NOL10: variants seen among roughly 807,000 people sequenced by gnomAD.
NOL10 encodes the protein H_NH0074G24.1.
Under a neutral mutation model 103.5 loss-of-function variants are expected in NOL10, and 58 were observed. The ratio of observed to expected loss-of-function variants is 0.56; its 90% confidence interval spans 0.45 to 0.70. The LOEUF (loss-of-function observed/expected upper bound fraction) is 0.70. Among genes scored for constraint, NOL10 ranks in the 30% least tolerant of loss-of-function variants. The pLI, the probability that NOL10 is intolerant of heterozygous loss-of-function variation, is 0.00. For synonymous variants in NOL10, 287 were observed against 282.5 expected (o/e 1.02, Z -0.16); for missense variants, 763 against 807.3 (o/e 0.95, Z 0.67).
chr2:10,641,820 C>T (rs1453783577), intron 13 of NOL10, among the ~76,000 whole-genome samples: 1 of 152,184 alleles, frequency 6.6e-6, no homozygotes, highest in Admixed American at 6.5e-5. Context: ...CTGCAACCAT[C>T]TTCAGGACTG....
chr2:10,613,996 GTCACCC>G, intron 13 of NOL10, among the ~76,000 whole-genome samples: 1 of 150,130 alleles, frequency 6.7e-6, no homozygotes, highest in South Asian at 2.1e-4. Context: ...GTCTCACTCT[GTCACCC>G]AGGCTGAAGT....
Position 10,607,265 on chromosome 2 carries a change from G to A in NOL10, c.1073C>T (p.Thr358Ile). ...TTCTGGATTCTCTTCTAATTCTTCG[G>A]TCAAGTTGTCTAAGAAGGAACACCA... ...PRWCSFLDNL[T>I]EELEENPEST... The change falls in exon 14 of 21, where the codon ACC becomes ATC. Residue 358 changes from threonine to isoleucine, a missense_variant. Transcript: ENST00000381685. The A allele has an allele frequency of 6.2e-7, 1 of 1,607,532 alleles. No homozygotes were observed. Among genetic ancestry groups the A allele is most frequent in the Non-Finnish European group, 8.5e-7 (1 of 1,176,882 alleles).
intron 19 of NOL10, among the ~76,000 whole-genome samples, chr2:10,586,923 T>C (rs575948280): frequency 6.7e-6 from 1 of 150,330 alleles, no homozygotes; most frequent in Non-Finnish European, 1.5e-5. Context: ...TTTTTGGGGA[T>C]ATTCTAGGTT....
intron 3 of NOL10, 63 bp downstream of exon 3, chr2:10,681,908 C>T: frequency 7.9e-6 from 5 of 632,356 alleles, no homozygotes; most frequent in Non-Finnish European, 9.8e-6. Flanking sequence ...AAAAAAAGAC[C>T]TTTCCCATCG....
chr2:10,581,116 T>TA (rs1484890560), intron 19 of NOL10, among the ~76,000 whole-genome samples: 1 of 152,220 alleles, frequency 6.6e-6, no homozygotes, highest in Non-Finnish European at 1.5e-5. Flanking sequence ...TTCAAGAGAC[T>TA]TAAACTCAGG....
intron 4 of NOL10, 25 bp from the exon 5 acceptor site, chr2:10,673,582 T>C (rs769367541): frequency 2.7e-6 from 4 of 1,497,828 alleles, no homozygotes; most frequent in South Asian, 1.2e-5. Flanking sequence ...ATAGGAAAAA[T>C]ACAATTATCA....
chr2:10,601,539 C>T (rs1323466072), intron 16 of NOL10, among the ~76,000 whole-genome samples: 2 of 152,124 alleles, frequency 1.3e-5, no homozygotes, highest in African/African-American at 2.4e-5. Context: ...TGAGAGGCAG[C>T]GCAATGGCTC....
intron 12 of NOL10, among the ~76,000 whole-genome samples, chr2:10,646,074 T>C (rs754120506): frequency 4.8e-4 from 73 of 152,192 alleles, no homozygotes; most frequent in Non-Finnish European, 9.3e-4. Context: ...TTGTAACTCT[T>C]GTAGAATCTT....
chr2:10,660,366 G>A (rs1680117478), intron 9 of NOL10, among the ~76,000 whole-genome samples: 1 of 152,172 alleles, frequency 6.6e-6, no homozygotes, highest in African/African-American at 2.4e-5. Flanking sequence ...CGCCCAGGCT[G>A]GAGTGCAGTG....
chr2:10,585,018 T>A (rs1674951251), intron 19 of NOL10, among the ~76,000 whole-genome samples: 1 of 152,166 alleles, frequency 6.6e-6, no homozygotes, highest in Admixed American at 6.5e-5. Flanking sequence ...TCAAAACAAC[T>A]GCTCCCAGAT....
intron 2 of NOL10, among the ~76,000 whole-genome samples, chr2:10,682,821 G>C (rs940824092): frequency 1.3e-5 from 2 of 151,822 alleles, no homozygotes; most frequent in Admixed American, 6.6e-5. Context: ...AGTCTCACCT[G>C]TTGTCCAAGC....
intron 12 of NOL10, among the ~76,000 whole-genome samples, chr2:10,651,004 A>C (rs1434987510): frequency 6.6e-6 from 1 of 152,088 alleles, no homozygotes; most frequent in African/African-American, 2.4e-5. Flanking sequence ...TCTCAGAAAG[A>C]GGCTTCTTTG....
chr2:10,601,092 C>CT, intron 16 of NOL10, 150 bp from the exon 17 acceptor site: 1 of 508,772 alleles, frequency 2.0e-6, no homozygotes, highest in Non-Finnish European at 3.3e-6. Flanking sequence ...GAGATGGAGT[C>CT]TCGCTCTGTC....
In NOL10 at chr2:10,600,902, A is replaced by G; in HGVS notation, c.1373T>C (p.Ile458Thr). The G allele has an allele frequency of 6.4e-7, 1 of 1,557,642 alleles. No homozygotes were observed. The highest frequency in any genetic ancestry group is 8.7e-7 in the Non-Finnish European group (1 of 1,149,482). ...KVNKELALKL[I>T]EEEEEKQKST... is the part of the protein sequence containing the mutation. ...TTTCTGCTTCTCCTCTTCTTCCTCA[A>G]TTAATTTAAGTGCCAGCTCTTTGTT... The change falls in exon 17 of 21, where the codon ATT (isoleucine) becomes ACT (threonine). Residue 458 changes from isoleucine to threonine, a missense_variant. Ile to Thr is a moderately conservative substitution (Grantham distance 89). Transcript: ENST00000381685.
intron 4 of NOL10, 32 bp downstream of exon 4, chr2:10,675,762 T>C: frequency 7.7e-7 from 1 of 1,291,696 alleles, no homozygotes; most frequent in South Asian, 1.4e-5. Flanking sequence ...AAAAAGCCAT[T>C]TTCATGAATT....
chr2:10,639,517 C>T, intron 13 of NOL10, among the ~76,000 whole-genome samples: 1 of 152,164 alleles, frequency 6.6e-6, no homozygotes, highest in South Asian at 2.1e-4. Flanking sequence ...ACTCACACCC[C>T]AACCACCACC....
rs1306232628 is a variant in NOL10, at chr2:10,689,830, A to G, written c.32T>C (p.Ile11Thr). 6.2e-7 allele frequency: 1 copy of G among 1,608,108 alleles called. No homozygotes were observed. Among genetic ancestry groups the G allele is most frequent in the South Asian group, 1.1e-5 (1 of 89,578 alleles). The change falls in exon 1 of 21, where the codon ATT (isoleucine) becomes ACT (threonine). Residue 11 changes from isoleucine (I) to threonine (T), a missense_variant. Transcript: ENST00000381685. MQVSSLNEVK[I>T]YSLSCGKSLP... ...GGACTTGCCGCAGCTGAGGCTGTAA[A>G]TCTTCACCTCATTGAGGCTGGAGAC...
rs533085754 is a variant in NOL10, at chr2:10,638,340, A to G, written c.1026+5980T>C. The stretch of plus-strand genomic sequence containing the variant: ...GACGTGACGTGACGTGACGTAACGT[A>G]ACGTAACGTAACGTAACGTAACAGT... On this transcript the variant is annotated intron_variant, in intron 13 of 20. Transcript: ENST00000381685. Among the ~76,000 whole-genome samples the G allele has an allele frequency of 5.1e-3, 672 of 131,122 alleles. 2 individuals are homozygous for G. Among genetic ancestry groups the G allele is most frequent in the Non-Finnish European group, 7.8e-3 (509 of 65,250 alleles). 86.0% of individuals were successfully genotyped at this position (131,122 alleles called of 152,430 possible).
chr2:10,675,324 T>G (rs928262700), intron 4 of NOL10, among the ~76,000 whole-genome samples: 2 of 152,066 alleles, frequency 1.3e-5, no homozygotes, highest in Non-Finnish European at 2.9e-5. Context: ...TCTAGAAGCC[T>G]AGAGTGGCCC....
Sources: allele counts gnomAD v4.1 joint callset (sites outside exome capture counted in the v4.1 genomes callset), GRCh38; gene constraint gnomAD v4.1.1; transcripts MANE v1.5; gene names NCBI Gene and HGNC (gene_info 2026-07-23, HGNC 2026-07-21).